ZBTB20: variants seen among roughly 807,000 people sequenced by gnomAD.
ZBTB20 encodes zinc finger and BTB domain containing 20, also known as zinc finger and BTB domain-containing protein 20.
A neutral mutation model predicts 56.9 loss-of-function variants in ZBTB20; 9 were observed. The ratio of observed to expected loss-of-function variants is 0.16; its 90% confidence interval spans 0.10 to 0.28. The LOEUF (loss-of-function observed/expected upper bound fraction) is 0.28. Among genes scored for constraint, ZBTB20 ranks in the 10% least tolerant of loss-of-function variants. ZBTB20 has a pLI of 1.00. For missense variants in ZBTB20, 655 were observed against 1,003.0 expected (o/e 0.65, Z 4.69); for synonymous variants, 417 against 420.7 (o/e 0.99, Z 0.11).
At chr3:114,635,253 T>G (rs1219437929) in intron 6 of ZBTB20, among the ~76,000 whole-genome samples, 1 of 152,192 alleles carries the variant, frequency 6.6e-6, no homozygotes. Flanking sequence ...TAAAGGGCCT[T>G]GCCCCCAGTC....
At chr3:114,865,233 T>C (rs1263158158) in intron 4 of ZBTB20, among the ~76,000 whole-genome samples, 1 of 152,150 alleles carries the variant, frequency 6.6e-6, no homozygotes, top group Non-Finnish European at 1.5e-5. Flanking sequence ...ATTTCCATGG[T>C]ACCCATTTCC....
At chr3:114,926,804 C>T (rs2076174215) in intron 3 of ZBTB20, among the ~76,000 whole-genome samples, 1 of 152,162 alleles carries the variant, frequency 6.6e-6, no homozygotes, top group Non-Finnish European at 1.5e-5. Context: ...GGCTTTGTCA[C>T]CCAGGCTGGA....
intron 1 of ZBTB20, among the ~76,000 whole-genome samples, chr3:115,118,225 C>T (rs2084077147): frequency 6.6e-6 from 1 of 152,024 alleles, no homozygotes; most frequent in African/African-American, 2.4e-5. Flanking sequence ...GATGGAGTCT[C>T]ACTCTGTTGC....
intron 6 of ZBTB20, among the ~76,000 whole-genome samples, chr3:114,521,133 A>C (rs1273460571): frequency 1.3e-5 from 2 of 152,150 alleles, no homozygotes; most frequent in African/African-American, 4.8e-5. Context: ...TCTATGTCTT[A>C]ATATAGCAAT....
At chr3:114,361,128 ACATT>A (rs150588473) in intron 10 of ZBTB20, among the ~76,000 whole-genome samples, 102 of 152,320 alleles carry the variant, frequency 6.7e-4, no homozygotes, top group African/African-American at 2.4e-3. Flanking sequence ...GCTATAGCTA[ACATT>A]CAAATTATCT....
At position 114,837,644 on chromosome 3, in the gene ZBTB20, C is replaced by T. The variant is rs143486750; in HGVS notation, c.-416-36470G>A. On this transcript the variant is annotated intron_variant, in intron 4 of 11. Coordinates refer to ENST00000675478, the MANE Select transcript of ZBTB20 (RefSeq NM_001348800.3). The stretch of plus-strand genomic sequence containing the variant: ...TTGCTTTTTCTCAGGGAGAGCAATC[C>T]GGGAGAGAGTGATAGAGGGACTCAA... Among the ~76,000 whole-genome samples, 23 of 152,032 alleles carry T rather than the reference C, an allele frequency of 1.5e-4. No homozygotes were observed. The East Asian group carries it at 3.7e-3, about 24-fold the overall frequency.
intron 4 of ZBTB20, among the ~76,000 whole-genome samples, chr3:114,826,525 T>A (rs1307171605): frequency 6.6e-6 from 1 of 151,772 alleles, no homozygotes; most frequent in Non-Finnish European, 1.5e-5. Flanking sequence ...CACTAGGAAG[T>A]AGGTACTAAT....
intron 6 of ZBTB20, among the ~76,000 whole-genome samples, chr3:114,504,895 G>A (rs780985296): frequency 9.2e-5 from 14 of 152,128 alleles, no homozygotes; most frequent in East Asian, 1.9e-4. Context: ...CGCTGCTGGC[G>A]TCTGAATAAG....
intron 2 of ZBTB20, among the ~76,000 whole-genome samples, chr3:115,063,324 C>T (rs1576683950): frequency 6.6e-6 from 1 of 152,274 alleles, no homozygotes; most frequent in East Asian, 1.9e-4. Flanking sequence ...GTTCTGAGGG[C>T]TGAGAAGTCT....
At chr3:114,386,575 G>T (rs2085151187) in intron 8 of ZBTB20, among the ~76,000 whole-genome samples, 1 of 152,152 alleles carries the variant, frequency 6.6e-6, no homozygotes, top group Admixed American at 6.5e-5. Context: ...GTCAGAATTG[G>T]AGTTGGGAAG....
At chr3:115,106,918 G>C (rs2083740254) in intron 1 of ZBTB20, among the ~76,000 whole-genome samples, 2 of 151,876 alleles carry the variant, frequency 1.3e-5, no homozygotes, top group South Asian at 4.1e-4. Context: ...AAGAATGAAT[G>C]ACTAAACAAA....
At chr3:114,834,300 AG>A (rs2074008765) in intron 4 of ZBTB20, among the ~76,000 whole-genome samples, 1 of 152,160 alleles carries the variant, frequency 6.6e-6, no homozygotes, top group African/African-American at 2.4e-5. Flanking sequence ...CTGCTCAAGT[AG>A]GAAACTTATG....
intron 4 of ZBTB20, among the ~76,000 whole-genome samples, chr3:114,883,532 C>A (rs927218723): frequency 1.4e-4 from 22 of 152,258 alleles, no homozygotes; most frequent in Admixed American, 9.1e-4. Context: ...ATTTATAATT[C>A]AGGTATATAT....
At chr3:114,961,269 G>T (rs565308506) in intron 3 of ZBTB20, among the ~76,000 whole-genome samples, 23 of 151,384 alleles carry the variant, frequency 1.5e-4, no homozygotes, top group Non-Finnish European at 3.2e-4. Context: ...GATCTCAAAA[G>T]AACTTAGAAC....
intron 3 of ZBTB20, among the ~76,000 whole-genome samples, chr3:114,909,507 T>C (rs2107701612): frequency 6.6e-6 from 1 of 152,162 alleles, no homozygotes; most frequent in Middle Eastern, 3.4e-3. Flanking sequence ...TTATAAAGTC[T>C]ACAGTAGCAT....
intron 3 of ZBTB20, among the ~76,000 whole-genome samples, chr3:114,950,176 C>T (rs1182635242): frequency 6.6e-6 from 1 of 152,128 alleles, no homozygotes; most frequent in Non-Finnish European, 1.5e-5. Context: ...ACTCCACCTC[C>T]CTTAGTGAAT....
chr3:115,136,514 G>T (rs2084657541), intron 1 of ZBTB20, among the ~76,000 whole-genome samples: 1 of 150,890 alleles, frequency 6.6e-6, no homozygotes, highest in African/African-American at 2.4e-5. Context: ...AGTGATGAAT[G>T]TCAAAGAATT....
intron 2 of ZBTB20, among the ~76,000 whole-genome samples, chr3:115,042,879 T>G (rs557696449): frequency 4.6e-5 from 7 of 152,350 alleles, no homozygotes; most frequent in African/African-American, 1.7e-4. Flanking sequence ...TTTATGATCA[T>G]ACCCCATTTT....
At chr3:114,639,207 T>C (rs2059428960) in intron 6 of ZBTB20, among the ~76,000 whole-genome samples, 1 of 152,068 alleles carries the variant, frequency 6.6e-6, no homozygotes, top group Non-Finnish European at 1.5e-5. Context: ...GGGGAACTGT[T>C]GAGAAGAGAA....
Sources: allele counts gnomAD v4.1 joint callset (sites outside exome capture counted in the v4.1 genomes callset), GRCh38; gene constraint gnomAD v4.1.1; transcripts MANE v1.5; gene names NCBI Gene and HGNC (gene_info 2026-07-23, HGNC 2026-07-21).